MBNL2: variants seen among roughly 807,000 people sequenced by gnomAD.
The protein encoded by MBNL2 is muscleblind-like protein 2.
In MBNL2, 17 loss-of-function variants were observed where a neutral mutation model predicts 41.9. The ratio of observed to expected loss-of-function variants is 0.41; its 90% CI spans 0.28 to 0.61. The LOEUF (loss-of-function observed/expected upper bound fraction) is 0.61. Ranked by LOEUF, MBNL2 falls within the 20% of genes least tolerant of loss-of-function variation. The probability of loss-of-function intolerance (pLI) is 0.35; values close to 1 mark genes in which losing one functional copy is unlikely to be tolerated. For synonymous variants in MBNL2, 195 were observed against 182.9 expected (o/e 1.07, Z -0.53); for missense variants, 336 against 505.6 (o/e 0.66, Z 3.22).
At chr13:97,146,115 C>T in the MBNL2 span, among the ~76,000 whole-genome samples, 3 of 151,826 alleles carry the variant, frequency 2.0e-5, no homozygotes, top group Non-Finnish European at 2.9e-5. Flanking sequence ...CTCAGCCTCC[C>T]GAGTAGCTAG....
At chr13:97,183,285 T>C in the MBNL2 span, among the ~76,000 whole-genome samples, 2 of 152,228 alleles carry the variant, frequency 1.3e-5, no homozygotes, top group South Asian at 2.1e-4. Flanking sequence ...ATAGAAATCA[T>C]GGCAAATTCT....
chr13:97,212,924 G>A, the MBNL2 span, among the ~76,000 whole-genome samples: 3 of 152,132 alleles, frequency 2.0e-5, no homozygotes, highest in East Asian at 5.8e-4. Flanking sequence ...TATGCCCATA[G>A]GTCACTAGAC....
chr13:97,224,007 C>A (rs1293201960), intron 1 of MBNL2, among the ~76,000 whole-genome samples: 1 of 152,222 alleles, frequency 6.6e-6, no homozygotes, highest in Non-Finnish European at 1.5e-5. Flanking sequence ...TTTCGCCTGT[C>A]TTTTGTAAAT....
At chr13:97,342,168 A>G (rs1292434986) in intron 3 of MBNL2, among the ~76,000 whole-genome samples, 1 of 152,244 alleles carries the variant, frequency 6.6e-6, no homozygotes, top group African/African-American at 2.4e-5. Context: ...TCTAAAAGGC[A>G]GAATTATTTA....
chr13:97,325,431 A>T (rs1346652920), intron 2 of MBNL2, among the ~76,000 whole-genome samples: 1 of 152,208 alleles, frequency 6.6e-6, no homozygotes, highest in Admixed American at 6.5e-5. Context: ...ACCAAAATGC[A>T]TTTAAAATTT....
At chr13:97,359,381 T>A (rs540417613) in intron 7 of MBNL2, among the ~76,000 whole-genome samples, 1 of 152,232 alleles carries the variant, frequency 6.6e-6, no homozygotes, top group South Asian at 2.1e-4. Flanking sequence ...GGAATACCTA[T>A]GAAGCTCTGG....
intron 2 of MBNL2, among the ~76,000 whole-genome samples, chr13:97,300,559 C>G (rs1412365216): frequency 6.6e-6 from 1 of 152,184 alleles, no homozygotes; most frequent in Non-Finnish European, 1.5e-5. Flanking sequence ...AGGCGGAGCT[C>G]AGGCGGTAAT....
the MBNL2 span, among the ~76,000 whole-genome samples, chr13:97,183,095 A>G: frequency 1.3e-5 from 2 of 152,212 alleles, no homozygotes; most frequent in African/African-American, 4.8e-5. Context: ...ATCAAAGGTT[A>G]TGGACTAGGG....
At position 97,343,113 on chromosome 13, in the gene MBNL2, C is replaced by A. The variant is rs373002827; in HGVS notation, c.437C>A (p.Thr146Lys). 1 of 1,613,944 alleles carries A rather than the reference C, an allele frequency of 6.2e-7. No homozygotes were observed. Among genetic ancestry groups the A allele is most frequent in the Non-Finnish European group, 8.5e-7 (1 of 1,179,794 alleles). Residue 146 changes from threonine to lysine, a missense_variant, in exon 4 of 9, where the codon ACG (threonine) becomes AAG (lysine). By Grantham distance (78) the Thr-to-Lys change is moderately conservative. Coordinates refer to ENST00000679496, the MANE Select transcript of MBNL2 (RefSeq NM_001382683.1). ...PVTPGVGLVP[T>K]EILPTTPVIV... The stretch of plus-strand genomic sequence containing the variant: ...ACCCCTGGAGTTGGGTTGGTCCCAA[C>A]GGAAATTCTGCCCACCACGCCTGTT...
intron 8 of MBNL2, among the ~76,000 whole-genome samples, chr13:97,369,620 C>T (rs1190962767): frequency 6.6e-6 from 1 of 152,098 alleles, no homozygotes; most frequent in Non-Finnish European, 1.5e-5. Context: ...AGATACAAGT[C>T]ATTGATTGAA....
the MBNL2 span, among the ~76,000 whole-genome samples, chr13:97,205,767 T>A: frequency 6.6e-6 from 1 of 152,310 alleles, no homozygotes; most frequent in East Asian, 1.9e-4. Context: ...TTGATTTACA[T>A]AGCTGACCCA....
the MBNL2 span, among the ~76,000 whole-genome samples, chr13:97,182,724 G>A: frequency 1.3e-5 from 2 of 152,158 alleles, no homozygotes; most frequent in Non-Finnish European, 2.9e-5. Flanking sequence ...TGAATTTTAG[G>A]CAACAATCAA....
At chr13:97,331,183 T>C (rs188761741) in intron 2 of MBNL2, among the ~76,000 whole-genome samples, 1 of 152,366 alleles carries the variant, frequency 6.6e-6, no homozygotes, top group East Asian at 1.9e-4. Context: ...TAATAACATT[T>C]ACTCAGTGCT....
intron 3 of MBNL2, among the ~76,000 whole-genome samples, chr13:97,340,672 G>GT (rs1387582139): frequency 6.6e-6 from 1 of 152,164 alleles, no homozygotes; most frequent in Non-Finnish European, 1.5e-5. Context: ...TTAATGAGTA[G>GT]TAAGTGTCAG....
chr13:97,352,061 T>TAAATAAATAAATAAATAATA (rs377716664), intron 5 of MBNL2, among the ~76,000 whole-genome samples: 1 of 126,464 alleles, frequency 7.9e-6, no homozygotes, highest in African/African-American at 2.8e-5. Context: ...AATAAATAAA[T>TAAATAAATAAATAAATAATA]AATAAATAAA....
intron 1 of MBNL2, among the ~76,000 whole-genome samples, chr13:97,246,823 T>G (rs1425974839): frequency 6.6e-6 from 1 of 152,214 alleles, no homozygotes; most frequent in Non-Finnish European, 1.5e-5. Context: ...ATCGGCTTTA[T>G]GAGCTGGTTA....
At chr13:97,340,477 CA>C (rs1460889441) in intron 3 of MBNL2, among the ~76,000 whole-genome samples, 1 of 151,960 alleles carries the variant, frequency 6.6e-6, no homozygotes, top group Non-Finnish European at 1.5e-5. Context: ...AATTTGAGGC[CA>C]AAAAAACCTT....
In MBNL2 at chr13:97,346,733, G is replaced by C; in HGVS notation, c.541-71G>C. 1.5e-6 allele frequency: 2 copies of C among 1,360,792 alleles called. No individual in the cohort carries two copies. The highest frequency in any genetic ancestry group is 2.0e-4 in the Middle Eastern group (1 of 5,050). The allele number at this position is 1,360,792 out of a possible 1,614,324, so 84.3% of individuals were successfully genotyped here. A position where few individuals can be genotyped will look rare whatever the true frequency, so the allele number is the denominator to read the frequency against. On this transcript the variant is annotated intron_variant, in intron 4 of 8. Transcript: ENST00000679496. This position sits in a 1 kb window ranked among gnomAD's most constrained non-coding sequence, Gnocchi z 4.2. ...GCGAGGCAGCCTCCGCTCCTCCCGC[G>C]GTGGCCGGGGCCGCAGGGGCGCCTG...
chr13:97,255,593 C>G (rs190212804), intron 1 of MBNL2, among the ~76,000 whole-genome samples: 288 of 152,314 alleles, frequency 1.9e-3, no homozygotes, highest in Non-Finnish European at 3.5e-3. Context: ...CAGACTTACC[C>G]ATTTTCAAAT....
Sources: allele counts gnomAD v4.1 joint callset (sites outside exome capture counted in the v4.1 genomes callset), GRCh38; gene constraint gnomAD v4.1.1; non-coding constraint Gnocchi (gnomAD v3.1); transcripts MANE v1.5; gene names NCBI Gene and HGNC (gene_info 2026-07-23, HGNC 2026-07-21).